Variants in ACO2 observed in about 807,000 individuals in gnomAD.
ACO2 encodes the protein aconitase 2.
ACO2 carries 31 observed loss-of-function variants against 84.5 expected under a neutral mutation model. The ratio of observed to expected loss-of-function variants is 0.37; its 90% CI spans 0.28 to 0.50. The LOEUF is 0.50. Among genes scored for constraint, ACO2 ranks in the 20% least tolerant of loss-of-function variants. The pLI is 0.97. For synonymous variants in ACO2, 414 were observed against 412.7 expected (o/e 1.00, Z -0.04); for missense variants, 685 against 1,029.3 (o/e 0.67, Z 4.58).
In ACO2 at chr22:41,525,174, T is replaced by C; in HGVS notation, c.1606-19T>C. The C allele has an allele frequency of 6.2e-7, 1 of 1,612,562 alleles. No homozygotes were observed. The highest frequency in any genetic ancestry group is 1.7e-5 in the Admixed American group (1 of 59,986). ...AACTGAGGACTCAGCACCCCACGCATCCCCATTCCCTGCTGCAGGAGTTTG... is the reference window on the plus strand; with the variant it reads ...AACTGAGGACTCAGCACCCCACGCACCCCCATTCCCTGCTGCAGGAGTTTG... On this transcript the variant is annotated intron_variant, in intron 13 of 17. Coordinates refer to ENST00000216254, the MANE Select transcript of ACO2 (RefSeq NM_001098.3).
Position 41,528,662 on chromosome 22 carries a change from G to A in ACO2, c.*49G>A, listed in dbSNP as rs1381494069. 1.2e-6 allele frequency: 2 copies of A among 1,600,284 alleles called. No individual in the cohort carries two copies. Among genetic ancestry groups the A allele is most frequent in the Middle Eastern group, 2.0e-4 (1 of 4,940 alleles). ...GCTGGCGTCAAGTTCAGCTCCACGT[G>A]TGCCATCAGTGGATCCGATCCGTCC... On this transcript the variant is annotated 3_prime_UTR_variant, in exon 18 of 18. Transcript: ENST00000216254.
chr22:41,490,446 G>A (rs1216891865), intron 1 of ACO2, among the ~76,000 whole-genome samples: 2 of 152,086 alleles, frequency 1.3e-5, no homozygotes, highest in Non-Finnish European at 2.9e-5. Flanking sequence ...TATCTTCTTT[G>A]TAAACAGCTG....
At chr22:41,512,056 G>C (rs1052545492) in intron 4 of ACO2, 88 bp downstream of exon 4, 5 of 939,658 alleles carry the variant, frequency 5.3e-6, no homozygotes, top group African/African-American at 3.5e-5. Flanking sequence ...TGAGGCCCAG[G>C]GGGGCTGAGG....
intron 1 of ACO2, among the ~76,000 whole-genome samples, chr22:41,482,341 G>A (rs906837584): frequency 6.6e-6 from 1 of 152,212 alleles, no homozygotes; most frequent in Non-Finnish European, 1.5e-5. Flanking sequence ...AGAAAGTCTC[G>A]GCCTCTGCAA....
At chr22:41,518,646 T>A (rs2066494916) in intron 8 of ACO2, 74 bp downstream of exon 8, 1 of 1,181,776 alleles carries the variant, frequency 8.5e-7, no homozygotes, top group Non-Finnish European at 1.3e-6. Flanking sequence ...GCCTAAATAC[T>A]CACTGAGGGC....
chr22:41,527,509 T>G, intron 16 of ACO2, 89 bp downstream of exon 16: 138 of 1,516,416 alleles, frequency 9.1e-5, no homozygotes, highest in Non-Finnish European at 1.1e-4. Context: ...TGGGCCTGGT[T>G]CTAGGCTGTG....
chr22:41,518,389 G>C, intron 7 of ACO2, 92 bp from the exon 8 acceptor site: 2 of 945,516 alleles, frequency 2.1e-6, no homozygotes, highest in Middle Eastern at 3.3e-4. Context: ...GGGTGGGCCT[G>C]GTGTTTGGCA....
chr22:41,528,751 C>CGGAGTGACTGTGGTTGT lies in ACO2; in HGVS notation c.*141_*157dup. On this transcript the variant is annotated 3_prime_UTR_variant, in exon 18 of 18. Coordinates refer to ENST00000216254, the MANE Select transcript of ACO2 (RefSeq NM_001098.3). ...TGCTTCCTGCTCCCCGCTTAGCCCA[C>CGGAGTGACTGTGGTTGT]GGAGTGACTGTGGTTGTGGTGGGGG... The CGGAGTGACTGTGGTTGT allele has an allele frequency of 7.9e-7, 1 of 1,265,384 alleles. No homozygotes were observed. 78.4% of individuals were successfully genotyped at this position (1,265,384 alleles called of 1,614,324 possible).
At chr22:41,504,205 G>C (rs755424439) in intron 2 of ACO2, among the ~76,000 whole-genome samples, 3 of 152,208 alleles carry the variant, frequency 2.0e-5, no homozygotes, top group Non-Finnish European at 4.4e-5. Flanking sequence ...GGTGTCTCTG[G>C]TGACAGAGGA....
intron 1 of ACO2, among the ~76,000 whole-genome samples, chr22:41,498,875 C>G (rs1009629118): frequency 1.3e-5 from 2 of 152,108 alleles, no homozygotes; most frequent in African/African-American, 4.8e-5. Flanking sequence ...AGATGGATCA[C>G]TTGAGGTCAG....
chr22:41,472,289 G>A (rs999520650), intron 1 of ACO2, among the ~76,000 whole-genome samples: 1 of 151,580 alleles, frequency 6.6e-6, no homozygotes, highest in Non-Finnish European at 1.5e-5. Context: ...GGAGGCGGAA[G>A]TTGCAGTAAG....
intron 1 of ACO2, among the ~76,000 whole-genome samples, chr22:41,474,289 A>ATTTT: frequency 8.4e-6 from 1 of 119,200 alleles, no homozygotes; most frequent in Non-Finnish European, 1.7e-5. Flanking sequence ...GTTTGCAGTC[A>ATTTT]TTTTTTTTTT....
intron 16 of ACO2, chr22:41,527,692 C>T (rs898982274): frequency 4.9e-6 from 4 of 820,542 alleles, no homozygotes; most frequent in Non-Finnish European, 7.5e-6. Context: ...GAATGTGCAG[C>T]AGGAAGGCCT....
In ACO2 at chr22:41,527,312, A is replaced by G. The variant is rs1313280294; in HGVS notation, c.1978A>G (p.Ile660Val). 2 of 1,614,110 alleles carry G rather than the reference A, an allele frequency of 1.2e-6. No individual in the cohort carries two copies. Among genetic ancestry groups the G allele is most frequent in the Admixed American group, 1.7e-5 (1 of 60,020 alleles). ...GAAACATGGCATCAGGTGGGTGGTGATCGGAGACGAGAACTACGGCGAGGG... is the reference window on the plus strand; with the variant it reads ...GAAACATGGCATCAGGTGGGTGGTGGTCGGAGACGAGAACTACGGCGAGGG... ...YKKHGIRWVV[I>V]GDENYGEGSS... Residue 660 changes from isoleucine to valine, a missense_variant, in exon 16 of 18, where the codon ATC (isoleucine) becomes GTC (valine). Coordinates refer to ENST00000216254, the MANE Select transcript of ACO2 (RefSeq NM_001098.3).
Position 41,523,421 on chromosome 22 carries a change from C to T in ACO2, c.1370+143C>T, listed in dbSNP as rs544133360. ...AGGGACTCTTGCCCATTAGAAGCCT[C>T]TGGCAGACATGCCTGGGAAGAGGGG... On this transcript the variant is annotated intron_variant, in intron 11 of 17. Coordinates refer to ENST00000216254, the MANE Select transcript of ACO2 (RefSeq NM_001098.3). 5.2e-5 allele frequency: 35 copies of T among 678,950 alleles called. No homozygotes were observed. In the South Asian group the frequency reaches 7.0e-4, roughly 14 times the overall value. The allele number at this position is 678,950 out of a possible 1,614,324, so 42.1% of individuals were successfully genotyped here. A position where few individuals can be genotyped will look rare whatever the true frequency, so the allele number is the denominator to read the frequency against.
At chr22:41,520,088 T>G in intron 8 of ACO2, 83 bp from the exon 9 acceptor site, 1 of 1,210,462 alleles carries the variant, frequency 8.3e-7, no homozygotes. Context: ...TGTGGGGACG[T>G]GGTGAGGCAG....
At chr22:41,477,249 G>T (rs1488644101) in intron 1 of ACO2, among the ~76,000 whole-genome samples, 1 of 151,668 alleles carries the variant, frequency 6.6e-6, no homozygotes. Flanking sequence ...CGCCTCCCGG[G>T]TTCACGCCAT....
chr22:41,518,430 A>C lies in ACO2; in HGVS notation c.941-51A>C, dbSNP rs41276321. The C allele has an allele frequency of 0.08, 116,220 of 1,451,382 alleles. 5,444 individuals carry two copies. The highest frequency in any genetic ancestry group is 0.096 in the Non-Finnish European group (99,038 of 1,035,840). 89.9% of individuals were successfully genotyped at this position (1,451,382 alleles called of 1,614,324 possible). On this transcript the variant is annotated intron_variant, in intron 7 of 17. Coordinates refer to ENST00000216254, the MANE Select transcript of ACO2 (RefSeq NM_001098.3). Reference sequence around the variant, plus strand: ...TCAGGTGGGTGGTGAGTGAACTCTCAAGAACAGTTTATGTTTCACGTGCTC... The same window carrying C: ...TCAGGTGGGTGGTGAGTGAACTCTCCAGAACAGTTTATGTTTCACGTGCTC...
chr22:41,522,749 T>C lies in ACO2; in HGVS notation c.1139-81T>C, dbSNP rs2066537359. On this transcript the variant is annotated intron_variant, in intron 9 of 17. Coordinates refer to ENST00000216254, the MANE Select transcript of ACO2 (RefSeq NM_001098.3). ...CAGATGGTGAACTCTTTTGGCCAAGTCTGGATAATTTGAAGTCAGGTGGAG... is the reference window on the plus strand; with the variant it reads ...CAGATGGTGAACTCTTTTGGCCAAGCCTGGATAATTTGAAGTCAGGTGGAG... 28 of 1,520,188 alleles carry C rather than the reference T, an allele frequency of 1.8e-5. No homozygotes were observed. The South Asian group carries it at 3.5e-4, about 19-fold the overall frequency. The allele number at this position is 1,520,188 out of a possible 1,614,324, so 94.2% of individuals were successfully genotyped here. A position where few individuals can be genotyped will look rare whatever the true frequency, so the allele number is the denominator to read the frequency against.
Sources: allele counts gnomAD v4.1 joint callset (sites outside exome capture counted in the v4.1 genomes callset), GRCh38; gene constraint gnomAD v4.1.1; transcripts MANE v1.5; gene names NCBI Gene and HGNC (gene_info 2026-07-23, HGNC 2026-07-21).